The following ASTN1 variants were observed in gnomAD, a reference collection of about 807,000 sequenced individuals.
ASTN1 encodes the protein astrotactin-1.
Under a neutral mutation model 140.7 loss-of-function variants are expected in ASTN1, and 41 were observed. That is an observed-to-expected ratio of 0.29 (90% CI 0.23 to 0.38). ASTN1 has a LOEUF of 0.38. ASTN1 is among the 10% of genes least tolerant of loss of function. The pLI is 1.00. For missense variants in ASTN1, 1,479 were observed against 1,678.8 expected (o/e 0.88, Z 2.08); for synonymous variants, 640 against 652.2 (o/e 0.98, Z 0.29).
chr1:176,964,976 G>A (rs980698469), intron 9 of ASTN1, among the ~76,000 whole-genome samples, 187 bp downstream of exon 9: 1 of 152,160 alleles, frequency 6.6e-6, no homozygotes, highest in African/African-American at 2.4e-5. Flanking sequence ...AACAGAATCT[G>A]TCTGACCTCC....
intron 1 of ASTN1, among the ~76,000 whole-genome samples, chr1:177,158,784 G>C (rs1008395464): frequency 6.6e-6 from 1 of 151,556 alleles, no homozygotes; most frequent in African/African-American, 2.4e-5. Context: ...TTGGCTGGGC[G>C]TGGTGGCTCA....
chr1:177,015,351 T>G (rs1315423052), intron 7 of ASTN1, among the ~76,000 whole-genome samples: 1 of 152,150 alleles, frequency 6.6e-6, no homozygotes, highest in African/African-American at 2.4e-5. Context: ...CTTGAGAAAA[T>G]TGAAGGCTTG....
At chr1:177,027,993 T>C (rs1310724110) in intron 5 of ASTN1, among the ~76,000 whole-genome samples, 1 of 152,084 alleles carries the variant, frequency 6.6e-6, no homozygotes, top group Non-Finnish European at 1.5e-5. Flanking sequence ...CACTGATGGA[T>C]ATATCCAATC....
intron 8 of ASTN1, among the ~76,000 whole-genome samples, chr1:176,985,485 G>A (rs1673848470): frequency 6.6e-6 from 1 of 152,098 alleles, no homozygotes; most frequent in Non-Finnish European, 1.5e-5. Context: ...AAAAAAAATG[G>A]AGCCAATCAA....
At chr1:177,021,108 A>G (rs1026301846) in intron 7 of ASTN1, among the ~76,000 whole-genome samples, 1 of 152,252 alleles carries the variant, frequency 6.6e-6, no homozygotes, top group Non-Finnish European at 1.5e-5. Context: ...AGCATGTGGG[A>G]TGACCACATC....
downstream of ASTN1, chr1:176,857,706 G>C: frequency 1.9e-6 from 1 of 513,262 alleles, no homozygotes; most frequent in Non-Finnish European, 3.5e-6. Flanking sequence ...TCAGCACTAT[G>C]TGATACAGAA....
intron 8 of ASTN1, among the ~76,000 whole-genome samples, chr1:176,965,613 A>G (rs777571598): frequency 6.6e-6 from 1 of 151,132 alleles, no homozygotes; most frequent in Non-Finnish European, 1.5e-5. Flanking sequence ...TGGGAATCAG[A>G]CAGTTCTGGA....
At chr1:177,051,194 G>T (rs1380051040) in intron 2 of ASTN1, among the ~76,000 whole-genome samples, 1 of 152,138 alleles carries the variant, frequency 6.6e-6, no homozygotes, top group Non-Finnish European at 1.5e-5. Context: ...GTGGGGGTCT[G>T]GCTAAAACTA....
At chr1:177,087,440 G>T (rs1157389091) in intron 1 of ASTN1, among the ~76,000 whole-genome samples, 1 of 152,158 alleles carries the variant, frequency 6.6e-6, no homozygotes, top group African/African-American at 2.4e-5. Context: ...ATCCTCAGCA[G>T]AGTGCTCAGC....
chr1:176,925,553 G>C (rs1227665954), intron 16 of ASTN1, among the ~76,000 whole-genome samples: 2 of 152,108 alleles, frequency 1.3e-5, no homozygotes, highest in Non-Finnish European at 2.9e-5. Context: ...TCATCATTAT[G>C]GATCATGGCC....
At chr1:176,974,472 G>A (rs986276431) in intron 8 of ASTN1, among the ~76,000 whole-genome samples, 4 of 150,444 alleles carry the variant, frequency 2.7e-5, no homozygotes, top group East Asian at 2.0e-4. Context: ...TACAACCTCC[G>A]CCTCCCGGGT....
intron 1 of ASTN1, among the ~76,000 whole-genome samples, chr1:177,106,791 G>A (rs1680564729): frequency 6.6e-6 from 1 of 152,182 alleles, no homozygotes; most frequent in Non-Finnish European, 1.5e-5. Context: ...TAGCAACAGT[G>A]AGGCAGATAG....
At chr1:177,043,964 T>A (rs1677093856) in intron 2 of ASTN1, among the ~76,000 whole-genome samples, 1 of 152,034 alleles carries the variant, frequency 6.6e-6, no homozygotes, top group Non-Finnish European at 1.5e-5. Context: ...TCTCTGGAAC[T>A]AATCAAGCAC....
Position 176,863,521 on chromosome 1 carries a change from C to T in ASTN1, c.*763G>A. The T allele has an allele frequency of 1.0e-6, 1 of 985,508 alleles. No individual in the cohort carries two copies. The highest frequency in any genetic ancestry group is 1.2e-6 in the Non-Finnish European group (1 of 829,924). 61.0% of individuals were successfully genotyped at this position (985,508 alleles called of 1,614,324 possible). On this transcript the variant is annotated 3_prime_UTR_variant, in exon 23 of 23. Coordinates refer to ENST00000361833, the MANE Select transcript of ASTN1 (RefSeq NM_004319.3). ...TAACTAGTCTCCCAGGTAGACTTTT[C>T]TGAAGGTGCAGTTGACAGATGGCAT...
At chr1:176,890,007 C>T (rs557408688) in intron 17 of ASTN1, among the ~76,000 whole-genome samples, 48 of 152,318 alleles carry the variant, frequency 3.2e-4, no homozygotes, top group African/African-American at 1.1e-3. Flanking sequence ...AGAATAAAGG[C>T]AACATTGTGA....
chr1:176,946,869 T>C (rs1262802523), intron 12 of ASTN1, among the ~76,000 whole-genome samples: 1 of 152,218 alleles, frequency 6.6e-6, no homozygotes, highest in Non-Finnish European at 1.5e-5. Flanking sequence ...ACCTTATTTG[T>C]AGTTATAGTG....
chr1:177,014,826 G>T lies in ASTN1; in HGVS notation c.1488C>A (p.His496Gln), dbSNP rs1675464436. Reference protein sequence around the residue: ...EGYMKDPVHKHLCIRNEWGTN... With the variant: ...EGYMKDPVHKQLCIRNEWGTN... ...TCCCCCATTCGTTCCGAATGCAAAGGTGCTTATGTACTGGATCCTTCATGT... is the reference window on the plus strand; with the variant it reads ...TCCCCCATTCGTTCCGAATGCAAAGTTGCTTATGTACTGGATCCTTCATGT... The change falls in exon 8 of 23, where the codon CAC becomes CAA. Residue 496 changes from histidine (H) to glutamine (Q), a missense_variant. His to Gln is a conservative substitution (Grantham distance 24, BLOSUM62 0). Coordinates refer to ENST00000361833, the MANE Select transcript of ASTN1 (RefSeq NM_004319.3). 1 of 1,613,694 alleles carries T rather than the reference G, an allele frequency of 6.2e-7. No individual in the cohort carries two copies. The highest frequency in any genetic ancestry group is 8.5e-7 in the Non-Finnish European group (1 of 1,179,830).
At chr1:177,002,229 G>T (rs1275770746) in intron 8 of ASTN1, among the ~76,000 whole-genome samples, 1 of 152,116 alleles carries the variant, frequency 6.6e-6, no homozygotes, top group South Asian at 2.1e-4. Flanking sequence ...GGGCCATAAA[G>T]GAAGGAAAAA....
At chr1:177,079,113 T>C (rs536724056) in intron 1 of ASTN1, among the ~76,000 whole-genome samples, 2 of 152,300 alleles carry the variant, frequency 1.3e-5, no homozygotes, top group East Asian at 1.9e-4. Flanking sequence ...ACTGGCAGCA[T>C]TGAGCATGAG....
Sources: gnomAD v4.1 joint callset for allele counts (sites outside exome capture counted in the v4.1 genomes callset) on GRCh38, gnomAD v4.1.1 for gene constraint, MANE v1.5 for transcripts, NCBI Gene and HGNC (gene_info 2026-07-23, HGNC 2026-07-21) for gene names.